PGPEP1L: variants seen among roughly 807,000 people sequenced by gnomAD.
PGPEP1L encodes the protein pyroglutamyl-peptidase I like.
PGPEP1L carries 7 observed loss-of-function variants against 6.0 expected under a neutral mutation model. The observed-to-expected ratio is 1.17, with a 90% CI of 0.66 to 2.19. PGPEP1L has a LOEUF of 2.19. Ranked by LOEUF, PGPEP1L falls within the 30% of genes most tolerant of loss-of-function variation. The probability of loss-of-function intolerance (pLI) is 0.00; values close to 1 mark genes in which losing one functional copy is unlikely to be tolerated. For missense variants in PGPEP1L, 209 were observed against 192.5 expected, an observed-to-expected ratio of 1.09 and a Z score of -0.51; for synonymous variants, 103 against 83.9, an observed-to-expected ratio of 1.23 and a Z score of -1.24.
chr15:98,986,215 C>T (rs1345169491), intron 2 of PGPEP1L, among the ~76,000 whole-genome samples: 1 of 152,124 alleles, frequency 6.6e-6, no homozygotes, highest in African/African-American at 2.4e-5. Flanking sequence ...AAGTGTCTTT[C>T]ATGGGAATGA....
chr15:99,006,422 CTCT>C (rs1163255682), intron 1 of PGPEP1L, among the ~76,000 whole-genome samples: 1 of 152,258 alleles, frequency 6.6e-6, no homozygotes. Flanking sequence ...GCAGACAGTC[CTCT>C]TTTTAATGTG....
Position 98,971,657 on chromosome 15 carries a change from AG to A in PGPEP1L, c.-141-500del, listed in dbSNP as rs1374829553. Among the ~76,000 whole-genome samples the A allele has an allele frequency of 3.9e-5, 6 of 152,352 alleles. 1 individual carries two copies. The South Asian group carries it at 1.2e-3, about 32-fold the overall frequency. Reference sequence around the variant, plus strand: ...TGCCAGACCTGTCTTACAAATCTAAAGGGTTCAACTTGAAAGAAACAGATAC... The same window carrying A: ...TGCCAGACCTGTCTTACAAATCTAAAGGTTCAACTTGAAAGAAACAGATAC... On this transcript the variant is annotated intron_variant, in intron 2 of 4. Coordinates refer to ENST00000535714, the MANE Select transcript of PGPEP1L (RefSeq NM_001167902.2).
At chr15:98,984,009 C>CTTTTTTTTTTTTTTTTTTTTTTT (rs71456904) in intron 2 of PGPEP1L, among the ~76,000 whole-genome samples, 5 of 115,780 alleles carry the variant, frequency 4.3e-5, no homozygotes, top group Non-Finnish European at 5.1e-5. Flanking sequence ...AGTAAGTAGT[C>CTTTTTTTTTTTTTTTTTTTTTTT]TTTTTTTTTT....
chr15:98,985,317 T>C (rs2017732334), intron 2 of PGPEP1L, among the ~76,000 whole-genome samples: 1 of 152,160 alleles, frequency 6.6e-6, no homozygotes, highest in Non-Finnish European at 1.5e-5. Flanking sequence ...GGCGGGAGGA[T>C]CACCTGAGGT....
At position 98,981,054 on chromosome 15, in the gene PGPEP1L, T is replaced by C. The variant is rs527882507; in HGVS notation, c.-141-9896A>G. 7.9e-5 allele frequency among the ~76,000 whole-genome samples: 12 copies of C among 152,312 alleles called. No homozygotes were observed. In the Middle Eastern group the frequency reaches 0.017, roughly 216 times the overall value. ...ACACTGATACTGTGTGCCCTTGATC[T>C]GACAGGATGAAAGTGACACTTTACC... On this transcript the variant is annotated intron_variant, in intron 2 of 4. Transcript: ENST00000535714.
At chr15:98,977,975 T>C (rs913262771) in intron 2 of PGPEP1L, among the ~76,000 whole-genome samples, 1 of 152,200 alleles carries the variant, frequency 6.6e-6, no homozygotes, top group Non-Finnish European at 1.5e-5. Flanking sequence ...AACACAGCTC[T>C]CAAGGGAGGT....
chr15:98,976,013 A>C (rs571640254), intron 2 of PGPEP1L, among the ~76,000 whole-genome samples: 121 of 152,322 alleles, frequency 7.9e-4, no homozygotes, highest in African/African-American at 2.8e-3. Flanking sequence ...AAGTATCTAG[A>C]ATAGCCAAAT....
At position 98,981,288 on chromosome 15, in the gene PGPEP1L, C is replaced by G. The variant is rs993282292; in HGVS notation, c.-141-10130G>C. 5.9e-5 allele frequency among the ~76,000 whole-genome samples: 9 copies of G among 152,032 alleles called. No homozygotes were observed. The East Asian group carries it at 1.2e-3, about 20-fold the overall frequency. ...CGGGCGGATCACGAGGTCAGGAGATCCAGACCATCCTGGCTAACACAGTGA... is the reference window on the plus strand; with the variant it reads ...CGGGCGGATCACGAGGTCAGGAGATGCAGACCATCCTGGCTAACACAGTGA... On this transcript the variant is annotated intron_variant, in intron 2 of 4. Coordinates refer to ENST00000535714, the MANE Select transcript of PGPEP1L (RefSeq NM_001167902.2).
chr15:99,001,899 G>A (rs1036183191), intron 2 of PGPEP1L, among the ~76,000 whole-genome samples: 1 of 152,104 alleles, frequency 6.6e-6, no homozygotes, highest in African/African-American at 2.4e-5. Context: ...TGTATTTTTA[G>A]TAGAGATGGG....
At chr15:98,985,320 C>A (rs11247383) in intron 2 of PGPEP1L, among the ~76,000 whole-genome samples, 15,112 of 152,176 alleles carry the variant, frequency 0.099, 1,104 homozygotes, top group East Asian at 0.36. Context: ...GGGAGGATCA[C>A]CTGAGGTTAG....
At chr15:99,003,272 A>C (rs2018001335) in intron 2 of PGPEP1L, among the ~76,000 whole-genome samples, 1 of 151,486 alleles carries the variant, frequency 6.6e-6, no homozygotes, top group South Asian at 2.1e-4. Context: ...AAAATGCAGC[A>C]ACACACACAA....
At chr15:98,971,436 G>A (rs1171680330) in intron 2 of PGPEP1L, among the ~76,000 whole-genome samples, 1 of 152,096 alleles carries the variant, frequency 6.6e-6, no homozygotes, top group Non-Finnish European at 1.5e-5. Context: ...GGAGGTTGCA[G>A]TGAGCCGAAA....
chr15:98,983,655 T>C (rs1372731765), intron 2 of PGPEP1L, among the ~76,000 whole-genome samples: 1 of 152,224 alleles, frequency 6.6e-6, no homozygotes, highest in Non-Finnish European at 1.5e-5. Context: ...CACAGGTCAC[T>C]ATGTAAAACT....
At chr15:98,969,695 C>T in intron 3 of PGPEP1L, 44 bp from the exon 4 acceptor site, 2 of 1,586,652 alleles carry the variant, frequency 1.3e-6, no homozygotes, top group Non-Finnish European at 1.7e-6. Flanking sequence ...GAAAACGAGG[C>T]CCACCCTGCT....
intron 2 of PGPEP1L, among the ~76,000 whole-genome samples, chr15:98,993,677 G>C (rs534927805): frequency 6.6e-6 from 1 of 150,738 alleles, no homozygotes; most frequent in Non-Finnish European, 1.5e-5. Context: ...CCTGTCAGGC[G>C]GTGGGGGGTG....
intron 2 of PGPEP1L, chr15:98,998,258 G>C (rs2017915182): frequency 6.6e-6 from 1 of 152,486 alleles, no homozygotes; most frequent in Admixed American, 6.5e-5. Context: ...CACCCCATAA[G>C]ACTCTGTTCC....
At chr15:98,969,400 G>C (rs1259702210) in intron 4 of PGPEP1L, 25 bp downstream of exon 4, 2 of 1,613,180 alleles carry the variant, frequency 1.2e-6, no homozygotes, top group Non-Finnish European at 1.7e-6. Context: ...TACCTGCTCA[G>C]AGTCCTGACA....
intron 2 of PGPEP1L, among the ~76,000 whole-genome samples, chr15:98,978,995 C>T (rs886850132): frequency 1.3e-4 from 19 of 151,212 alleles, no homozygotes; most frequent in Non-Finnish European, 2.4e-4. Flanking sequence ...CCCAAACTGC[C>T]GGGATTACAG....
chr15:99,002,273 G>T (rs946065807), intron 2 of PGPEP1L, among the ~76,000 whole-genome samples: 2 of 152,168 alleles, frequency 1.3e-5, no homozygotes, highest in African/African-American at 4.8e-5. Flanking sequence ...TGGGATTACA[G>T]GTGTGAGTCA....
Sources: allele counts gnomAD v4.1 joint callset (sites outside exome capture counted in the v4.1 genomes callset), GRCh38; gene constraint gnomAD v4.1.1; transcripts MANE v1.5; gene names NCBI Gene and HGNC (gene_info 2026-07-23, HGNC 2026-07-21).